Variants in CNGB3 observed in about 807,000 individuals in gnomAD.
CNGB3 encodes the protein cyclic nucleotide-gated channel beta-3.
CNGB3 carries 86 observed loss-of-function variants against 92.8 expected under a neutral mutation model. The observed-to-expected ratio is 0.93, with a 90% confidence interval of 0.78 to 1.11. The LOEUF is 1.11. Ranked by LOEUF, CNGB3 falls within the 50% of genes least tolerant of loss-of-function variation. The pLI is 0.00. For synonymous variants in CNGB3, 333 were observed against 332.7 expected (o/e 1.00, Z -0.01); for missense variants, 1,026 against 956.8 (o/e 1.07, Z -0.95).
At chr8:86,695,661 C>G (rs2131642868) in intron 3 of CNGB3, among the ~76,000 whole-genome samples, 1 of 152,212 alleles carries the variant, frequency 6.6e-6, no homozygotes, top group East Asian at 1.9e-4. Context: ...CTTCATCTGT[C>G]AGTTCAGAGA....
At chr8:86,600,483 A>T (rs1822270170) in intron 15 of CNGB3, among the ~76,000 whole-genome samples, 1 of 152,226 alleles carries the variant, frequency 6.6e-6, no homozygotes, top group Admixed American at 6.5e-5. Context: ...TTAATTAAAA[A>T]TTGCTGAAGA....
chr8:86,589,694 G>T (rs1176462884), intron 15 of CNGB3, among the ~76,000 whole-genome samples: 2 of 152,172 alleles, frequency 1.3e-5, no homozygotes, highest in Admixed American at 1.3e-4. Flanking sequence ...TTGAACTGTG[G>T]TCTGAGAGAT....
intron 3 of CNGB3, chr8:86,708,054 A>G (rs1183922529): frequency 1.3e-5 from 2 of 152,224 alleles, no homozygotes; most frequent in Admixed American, 1.3e-4. Flanking sequence ...GATTCCTCCA[A>G]GGGGAAATTT....
intron 10 of CNGB3, among the ~76,000 whole-genome samples, chr8:86,638,361 C>T (rs1823114328): frequency 6.6e-6 from 1 of 152,064 alleles, no homozygotes; most frequent in Admixed American, 6.6e-5. Flanking sequence ...TTCCAGTAAC[C>T]CCATGTTATC....
chr8:86,581,051 A>AG (rs1250514580), intron 15 of CNGB3, among the ~76,000 whole-genome samples: 1 of 151,822 alleles, frequency 6.6e-6, no homozygotes, highest in Non-Finnish European at 1.5e-5. Context: ...ATTGTTAAAA[A>AG]ACTTATATAG....
intron 7 of CNGB3, among the ~76,000 whole-genome samples, chr8:86,649,520 A>G (rs572854472): frequency 6.6e-6 from 1 of 151,834 alleles, no homozygotes; most frequent in South Asian, 2.1e-4. Flanking sequence ...CTGGTATTGA[A>G]CAAAGCATAC....
intron 10 of CNGB3, among the ~76,000 whole-genome samples, chr8:86,639,068 C>T (rs1365779519): frequency 6.6e-6 from 1 of 151,854 alleles, no homozygotes; most frequent in Non-Finnish European, 1.5e-5. Context: ...GGTGGATTAC[C>T]TAAATTTTTC....
intron 3 of CNGB3, chr8:86,707,876 G>A (rs1283178349): frequency 6.6e-6 from 1 of 152,166 alleles, no homozygotes; most frequent in Admixed American, 6.5e-5. Context: ...ATTTGCTTTT[G>A]GATTGGCTGT....
At chr8:86,661,321 G>T in intron 6 of CNGB3, 1 of 397,118 alleles carries the variant, frequency 2.5e-6, no homozygotes, top group South Asian at 2.2e-5. Flanking sequence ...GAGTTCCACT[G>T]AATAAATCCT....
intron 10 of CNGB3, among the ~76,000 whole-genome samples, chr8:86,636,572 CAAAAAAAAAAAAAA>C (rs57907634): frequency 7.5e-5 from 3 of 40,092 alleles, no homozygotes; most frequent in Non-Finnish European, 1.2e-4. Flanking sequence ...GACCCTGTCT[CAAAAAAAAAAAAAA>C]AAAAAAAAAA....
At chr8:86,637,173 TG>T (rs957730864) in intron 10 of CNGB3, among the ~76,000 whole-genome samples, 2 of 152,180 alleles carry the variant, frequency 1.3e-5, no homozygotes, top group African/African-American at 4.8e-5. Context: ...TTTGTTCTTT[TG>T]TTTGTGGATA....
chr8:86,603,706 C>T (rs1207272745), intron 15 of CNGB3, among the ~76,000 whole-genome samples: 2 of 152,148 alleles, frequency 1.3e-5, no homozygotes, highest in African/African-American at 2.4e-5. Flanking sequence ...GAAATTTGGT[C>T]CCACAGCTAT....
chr8:86,581,444 A>G (rs1321542419), intron 15 of CNGB3, among the ~76,000 whole-genome samples: 4 of 152,148 alleles, frequency 2.6e-5, no homozygotes, highest in African/African-American at 9.7e-5. Flanking sequence ...GCCAAGGAAG[A>G]TCCCCTCTCG....
chr8:86,731,908 G>A (rs1563769289), intron 2 of CNGB3, among the ~76,000 whole-genome samples: 1 of 152,140 alleles, frequency 6.6e-6, no homozygotes, highest in Non-Finnish European at 1.5e-5. Flanking sequence ...TGTGGGGCAT[G>A]ATACAAAAAC....
intron 10 of CNGB3, among the ~76,000 whole-genome samples, chr8:86,638,634 G>A (rs1266219623): frequency 6.6e-6 from 1 of 152,038 alleles, no homozygotes; most frequent in Non-Finnish European, 1.5e-5. Flanking sequence ...GGGCCTAGTA[G>A]CACACAATAG....
intron 17 of CNGB3, among the ~76,000 whole-genome samples, chr8:86,578,483 A>G (rs556878974): frequency 1.3e-5 from 2 of 152,322 alleles, no homozygotes; most frequent in South Asian, 2.1e-4. Flanking sequence ...AGCCATCTAT[A>G]AACATCCTGT....
intron 13 of CNGB3, among the ~76,000 whole-genome samples, chr8:86,622,273 A>G (rs1822752314): frequency 6.6e-6 from 1 of 152,058 alleles, no homozygotes; most frequent in Non-Finnish European, 1.5e-5. Context: ...TGTTCATATA[A>G]CAGACTTTAG....
In CNGB3 at chr8:86,579,244, G is replaced by T; in HGVS notation, c.1790C>A (p.Ala597Glu). ...GSVFGEISLL[A>E]AGGGNRRTAN... ...AGTTCGACGGTTTCCTCCTCCTGCT[G>T]CTAGAAGGCTGTAAGAGAGAAAAAT... Residue 597 changes from alanine (A) to glutamate (E), a missense_variant, in exon 16 of 18, where the codon GCA becomes GAA. Physicochemically the swap from Ala to Glu is moderately radical, Grantham distance 107. Transcript: ENST00000320005. 6.2e-7 allele frequency: 1 copy of T among 1,614,042 alleles called. No homozygotes were observed. Among genetic ancestry groups the T allele is most frequent in the Non-Finnish European group, 8.5e-7 (1 of 1,179,968 alleles).
intron 6 of CNGB3, chr8:86,657,478 C>T (rs1056304789): frequency 2.5e-4 from 129 of 515,970 alleles, no homozygotes; most frequent in Non-Finnish European, 4.3e-4. Context: ...GGGGGTTCTG[C>T]ATCTCAGGAA....
Sources: allele counts gnomAD v4.1 joint callset (sites outside exome capture counted in the v4.1 genomes callset), GRCh38; gene constraint gnomAD v4.1.1; transcripts MANE v1.5; gene names NCBI Gene and HGNC (gene_info 2026-07-23, HGNC 2026-07-21).